The following XYLT1 variants were observed in gnomAD, a reference collection of about 807,000 sequenced individuals.
XYLT1 encodes xylosyltransferase 1.
In XYLT1, 36 loss-of-function variants were observed where a neutral mutation model predicts 91.3. The ratio of observed to expected loss-of-function variants is 0.39; its 90% confidence interval spans 0.30 to 0.52. The LOEUF (loss-of-function observed/expected upper bound fraction) is 0.52. Ranked by LOEUF, XYLT1 falls within the 20% of genes least tolerant of loss-of-function variation. The probability of loss-of-function intolerance (pLI) is 0.68; values close to 1 mark genes in which losing one functional copy is unlikely to be tolerated. For missense variants in XYLT1, 1,242 were observed against 1,284.5 expected (o/e 0.97, Z 0.51); for synonymous variants, 588 against 532.0 (o/e 1.11, Z -1.45).
intron 1 of XYLT1, among the ~76,000 whole-genome samples, chr16:17,470,082 C>T (rs2036962567): frequency 1.4e-5 from 2 of 143,044 alleles, no homozygotes. Flanking sequence ...CTCACTCAGG[C>T]AGGGAGCGAG....
intron 2 of XYLT1, among the ~76,000 whole-genome samples, chr16:17,313,686 A>T (rs1449919641): frequency 1.4e-5 from 2 of 139,174 alleles, no homozygotes; most frequent in African/African-American, 6.0e-5. Context: ...CATCCAAACC[A>T]TTAAAAAAAA....
chr16:17,184,659 T>C (rs1189533973), intron 5 of XYLT1, among the ~76,000 whole-genome samples: 2 of 152,238 alleles, frequency 1.3e-5, no homozygotes, highest in East Asian at 1.9e-4. Context: ...ATGGTGCTTA[T>C]AGAACATTTC....
intron 5 of XYLT1, among the ~76,000 whole-genome samples, chr16:17,195,790 CTT>C (rs942389839): frequency 6.6e-6 from 1 of 152,150 alleles, no homozygotes; most frequent in Non-Finnish European, 1.5e-5. Flanking sequence ...CATGATGTAT[CTT>C]TGGCATGATC....
chr16:17,397,548 C>A (rs892493035), intron 1 of XYLT1, among the ~76,000 whole-genome samples: 22 of 152,146 alleles, frequency 1.4e-4, no homozygotes, highest in African/African-American at 5.3e-4. Context: ...CCTTTTCATT[C>A]CCCCCTTTAC....
intron 1 of XYLT1, among the ~76,000 whole-genome samples, chr16:17,454,960 C>T (rs2036720854): frequency 7.5e-6 from 1 of 134,090 alleles, no homozygotes; most frequent in Non-Finnish European, 1.5e-5. Flanking sequence ...CCTTAGCTCA[C>T]AGGCCATATG....
chr16:17,424,860 T>C (rs1596539085), intron 1 of XYLT1, among the ~76,000 whole-genome samples: 2 of 96,234 alleles, frequency 2.1e-5, no homozygotes, highest in African/African-American at 4.9e-5. Flanking sequence ...AGAGCAAGAC[T>C]CCATCTCAAA....
At chr16:17,138,230 AAT>A (rs202039099) in intron 8 of XYLT1, 123 bp downstream of exon 8, 7 of 2,666 alleles carry the variant, frequency 2.6e-3, no homozygotes, top group Non-Finnish European at 4.4e-3. Flanking sequence ...AACTATTATT[AAT>A]TATCAACAGC....
At chr16:17,310,440 C>T (rs1239918573) in intron 2 of XYLT1, among the ~76,000 whole-genome samples, 1 of 152,222 alleles carries the variant, frequency 6.6e-6, no homozygotes, top group Non-Finnish European at 1.5e-5. Flanking sequence ...TGACTGGCAT[C>T]TGTCCCCACC....
intron 1 of XYLT1, among the ~76,000 whole-genome samples, chr16:17,452,198 T>C (rs11866412): frequency 5.3e-5 from 8 of 152,188 alleles, no homozygotes; most frequent in Non-Finnish European, 1.2e-4. Context: ...CATTAAAGGA[T>C]CTCATGAATT....
At chr16:17,304,721 A>G (rs2034447091) in intron 2 of XYLT1, among the ~76,000 whole-genome samples, 1 of 152,158 alleles carries the variant, frequency 6.6e-6, no homozygotes, top group African/African-American at 2.4e-5. Flanking sequence ...GGACCAGTTA[A>G]ACCACTACCA....
intron 1 of XYLT1, among the ~76,000 whole-genome samples, chr16:17,390,875 A>G (rs1258990340): frequency 6.6e-6 from 1 of 152,134 alleles, no homozygotes; most frequent in Non-Finnish European, 1.5e-5. Context: ...CGTCTCTACT[A>G]AAAATACAAA....
At chr16:17,313,289 C>G (rs2034578020) in intron 2 of XYLT1, among the ~76,000 whole-genome samples, 1 of 152,222 alleles carries the variant, frequency 6.6e-6, no homozygotes. Flanking sequence ...AGCCCTCCGC[C>G]AACCTCCAGG....
chr16:17,123,282 C>T (rs1472845245), intron 10 of XYLT1, among the ~76,000 whole-genome samples: 1 of 152,112 alleles, frequency 6.6e-6, no homozygotes, highest in Admixed American at 6.5e-5. Flanking sequence ...GGTCTTTCAC[C>T]TCTCCTTGGT....
At chr16:17,225,488 A>T (rs2141613592) in intron 3 of XYLT1, among the ~76,000 whole-genome samples, 1 of 152,262 alleles carries the variant, frequency 6.6e-6, no homozygotes, top group African/African-American at 2.4e-5. Context: ...GGCTTGTATT[A>T]CCATCAGCAA....
intron 5 of XYLT1, among the ~76,000 whole-genome samples, chr16:17,175,797 C>T (rs561085636): frequency 2.6e-5 from 4 of 152,346 alleles, no homozygotes; most frequent in East Asian, 3.9e-4. Flanking sequence ...TCCTTGATAT[C>T]TGTGCAGGCA....
intron 1 of XYLT1, among the ~76,000 whole-genome samples, chr16:17,379,690 G>C (rs2035646819): frequency 6.9e-6 from 1 of 143,930 alleles, no homozygotes; most frequent in South Asian, 2.2e-4. Context: ...AGAAAGCCAG[G>C]GAAAGCTTTG....
chr16:17,269,346 C>G (rs1021153540), intron 2 of XYLT1, among the ~76,000 whole-genome samples: 1 of 151,554 alleles, frequency 6.6e-6, no homozygotes, highest in Non-Finnish European at 1.5e-5. Flanking sequence ...ACCACTATAC[C>G]CAGCTTTTTA....
intron 1 of XYLT1, among the ~76,000 whole-genome samples, chr16:17,426,545 A>C (rs116279200): frequency 0.033 from 4,973 of 152,204 alleles, 245 homozygotes; most frequent in African/African-American, 0.11. Flanking sequence ...GTGAGACTCC[A>C]TCTCAAAAAA....
chr16:17,132,697 G>A (rs1363745398), intron 9 of XYLT1, among the ~76,000 whole-genome samples: 3 of 152,206 alleles, frequency 2.0e-5, no homozygotes, highest in African/African-American at 7.2e-5. Context: ...GAGGTCAGGA[G>A]TTCGAGACCA....
Sources: allele counts gnomAD v4.1 joint callset (sites outside exome capture counted in the v4.1 genomes callset), GRCh38; gene constraint gnomAD v4.1.1; transcripts MANE v1.5; gene names NCBI Gene and HGNC (gene_info 2026-07-23, HGNC 2026-07-21).